Variants in LCLAT1 observed in about 807,000 individuals in gnomAD.
The protein encoded by LCLAT1 is 1-AGP acyltransferase 8.
In LCLAT1, 11 loss-of-function variants were observed where a neutral mutation model predicts 30.7. The observed-to-expected ratio is 0.36, with a 90% CI of 0.23 to 0.59. The LOEUF (loss-of-function observed/expected upper bound fraction) is 0.59, where lower values mean the gene tolerates loss of function less well. LCLAT1 is among the 20% of genes least tolerant of loss of function. The pLI is 0.77. For synonymous variants in LCLAT1, 155 were observed against 151.3 expected (o/e 1.02, Z -0.18); for missense variants, 402 against 458.6 (o/e 0.88, Z 1.13).
chr2:30,594,534 C>T (rs148180478), intron 5 of LCLAT1, among the ~76,000 whole-genome samples: 72 of 152,232 alleles, frequency 4.7e-4, no homozygotes, highest in Non-Finnish European at 4.6e-4. Flanking sequence ...TTTCATTTAG[C>T]TCTGCGTGAC....
intron 3 of LCLAT1, among the ~76,000 whole-genome samples, chr2:30,534,296 T>C (rs1174015978): frequency 6.6e-6 from 1 of 151,492 alleles, no homozygotes; most frequent in Non-Finnish European, 1.5e-5. Flanking sequence ...AGTCTCTCTC[T>C]GTCGCTCAGG....
intron 3 of LCLAT1, among the ~76,000 whole-genome samples, chr2:30,536,781 A>T (rs1280613006): frequency 6.6e-6 from 1 of 152,250 alleles, no homozygotes; most frequent in Non-Finnish European, 1.5e-5. Context: ...TAGATAAACA[A>T]TAAGACAAGA....
chr2:30,616,205 G>A (rs1033581452), intron 5 of LCLAT1, among the ~76,000 whole-genome samples: 15 of 152,168 alleles, frequency 9.9e-5, no homozygotes, highest in African/African-American at 3.4e-4. Context: ...GGTTGCTGGT[G>A]GAGGGAGTAC....
intron 5 of LCLAT1, among the ~76,000 whole-genome samples, chr2:30,594,359 C>T (rs1054329227): frequency 6.6e-6 from 1 of 151,916 alleles, no homozygotes; most frequent in African/African-American, 2.4e-5. Flanking sequence ...AACACCCATA[C>T]ACCCACCACC....
At chr2:30,524,441 C>A (rs1382737653) in intron 1 of LCLAT1, among the ~76,000 whole-genome samples, 1 of 152,168 alleles carries the variant, frequency 6.6e-6, no homozygotes, top group Non-Finnish European at 1.5e-5. Context: ...TAGTAGTCCC[C>A]TCCTTAACCA....
intron 1 of LCLAT1, among the ~76,000 whole-genome samples, chr2:30,497,180 A>T (rs1684160611): frequency 6.6e-6 from 1 of 152,264 alleles, no homozygotes. Context: ...AAGTGCTTGG[A>T]GTAAACACAA....
At chr2:30,534,882 A>C (rs1686167136) in intron 3 of LCLAT1, among the ~76,000 whole-genome samples, 1 of 152,218 alleles carries the variant, frequency 6.6e-6, no homozygotes, top group Non-Finnish European at 1.5e-5. Flanking sequence ...CACATCCCTA[A>C]GAGGACTGAT....
At chr2:30,499,316 G>A (rs1334152721) in intron 1 of LCLAT1, among the ~76,000 whole-genome samples, 1 of 152,176 alleles carries the variant, frequency 6.6e-6, no homozygotes, top group South Asian at 2.1e-4. Context: ...GAGTAGCTGG[G>A]ATTACAGGTG....
intron 5 of LCLAT1, among the ~76,000 whole-genome samples, chr2:30,612,238 A>C (rs1199640022): frequency 1.3e-5 from 2 of 152,204 alleles, no homozygotes; most frequent in Admixed American, 6.5e-5. Flanking sequence ...CCAGAATGTC[A>C]GGAAAGAATT....
chr2:30,509,901 C>G (rs2148356344), intron 1 of LCLAT1, among the ~76,000 whole-genome samples: 1 of 152,290 alleles, frequency 6.6e-6, no homozygotes, highest in South Asian at 2.1e-4. Context: ...TCAGTGTCAT[C>G]AGCTGATGTG....
chr2:30,493,757 A>G (rs1683958767), intron 1 of LCLAT1, among the ~76,000 whole-genome samples: 2 of 151,982 alleles, frequency 1.3e-5, no homozygotes, highest in Admixed American at 6.5e-5. Flanking sequence ...ATCAAATCAG[A>G]TGAATATCTT....
chr2:30,464,461 C>G (rs1682320534), intron 1 of LCLAT1, among the ~76,000 whole-genome samples: 2 of 152,092 alleles, frequency 1.3e-5, no homozygotes, highest in South Asian at 4.1e-4. Flanking sequence ...TATTTAAAAA[C>G]TTAGTTTATT....
At chr2:30,453,552 A>G (rs1428115302) in intron 1 of LCLAT1, among the ~76,000 whole-genome samples, 2 of 152,254 alleles carry the variant, frequency 1.3e-5, no homozygotes, top group Non-Finnish European at 2.9e-5. Context: ...CTTGAACACC[A>G]AAACGTTTCT....
At chr2:30,497,071 T>C (rs1286150811) in intron 1 of LCLAT1, among the ~76,000 whole-genome samples, 1 of 152,254 alleles carries the variant, frequency 6.6e-6, no homozygotes, top group Admixed American at 6.5e-5. Flanking sequence ...TGCTTGTGTA[T>C]GAAGGTAAAA....
At chr2:30,615,611 C>G (rs532698585) in intron 5 of LCLAT1, among the ~76,000 whole-genome samples, 2 of 152,176 alleles carry the variant, frequency 1.3e-5, no homozygotes, top group African/African-American at 4.8e-5. Context: ...ATACTTCCAC[C>G]AAAACTTGTG....
chr2:30,605,202 T>C (rs1445567105), intron 5 of LCLAT1, among the ~76,000 whole-genome samples: 1 of 152,242 alleles, frequency 6.6e-6, no homozygotes, highest in East Asian at 1.9e-4. Context: ...CAGAGACTAC[T>C]TGCTAACCTA....
intron 1 of LCLAT1, among the ~76,000 whole-genome samples, chr2:30,505,203 A>G (rs1684595723): frequency 6.6e-6 from 1 of 152,172 alleles, no homozygotes; most frequent in South Asian, 2.1e-4. Flanking sequence ...GAGGGAATTA[A>G]TGATATTCAG....
chr2:30,634,461 A>G (rs1016494649), intron 5 of LCLAT1, among the ~76,000 whole-genome samples: 8 of 152,190 alleles, frequency 5.3e-5, no homozygotes, highest in Admixed American at 5.2e-4. Context: ...CCCCATCTCT[A>G]CTAAAAATAC....
chr2:30,564,365 A>G lies in LCLAT1; in HGVS notation c.511+2073A>G, dbSNP rs143520868. ...AAGAAAGGTCATATGTTACTGCTAC[A>G]TTAGTGTTAATATGTTCATACATTA... On this transcript the variant is annotated intron_variant, in intron 4 of 5. Coordinates refer to ENST00000379509, the MANE Select transcript of LCLAT1 (RefSeq NM_001002257.3). Among the ~76,000 whole-genome samples, 670 of 152,288 alleles carry G rather than the reference A, an allele frequency of 4.4e-3. 7 individuals carry two copies. The highest frequency in any genetic ancestry group is 0.015 in the African/African-American group (637 of 41,570).
Sources: allele counts gnomAD v4.1 joint callset (sites outside exome capture counted in the v4.1 genomes callset), GRCh38; gene constraint gnomAD v4.1.1; transcripts MANE v1.5; gene names NCBI Gene and HGNC (gene_info 2026-07-23, HGNC 2026-07-21).